Variants in PAK4 observed in about 807,000 individuals in gnomAD.
PAK4 encodes the protein p21 (RAC1) activated kinase 4, also known as serine/threonine-protein kinase PAK 4.
In PAK4, 49 loss-of-function variants were observed where a neutral mutation model predicts 53.5. The ratio of observed to expected loss-of-function variants is 0.92; its 90% confidence interval spans 0.73 to 1.16. The LOEUF (loss-of-function observed/expected upper bound fraction) is 1.16, where lower values mean the gene tolerates loss of function less well. Among genes scored for constraint, PAK4 ranks in the 50% most tolerant of loss-of-function variants. The pLI is 0.00. For synonymous variants in PAK4, 376 were observed against 375.6 expected, an observed-to-expected ratio of 1.00 and a Z score of -0.01; for missense variants, 824 against 850.7, an observed-to-expected ratio of 0.97 and a Z score of 0.39.
chr19:39,130,193 A>ATG (rs2073677869), intron 1 of PAK4, among the ~76,000 whole-genome samples: 1 of 93,518 alleles, frequency 1.1e-5, no homozygotes, highest in Non-Finnish European at 2.1e-5. Flanking sequence ...TCATGGCGGG[A>ATG]TGGGAGCGGG....
chr19:39,150,506 A>G (rs513053), intron 1 of PAK4, among the ~76,000 whole-genome samples: 93,389 of 151,818 alleles, frequency 0.62, 28,970 homozygotes, highest in East Asian at 0.82. Context: ...ACAGTTGCCC[A>G]AACAGCGCTG....
intron 1 of PAK4, among the ~76,000 whole-genome samples, chr19:39,139,304 C>T (rs2073872311): frequency 6.6e-6 from 1 of 152,204 alleles, no homozygotes; most frequent in African/African-American, 2.4e-5. Flanking sequence ...TCATCTGCTG[C>T]AACTCCTGCA....
chr19:39,126,097 A>G (rs2073571372), intron 1 of PAK4, among the ~76,000 whole-genome samples, 178 bp downstream of exon 1: 2 of 151,890 alleles, frequency 1.3e-5, no homozygotes, highest in African/African-American at 2.4e-5. Context: ...GAGGTCGGAG[A>G]TCAAACCAGC....
At chr19:39,142,791 G>A (rs1160267208) in intron 1 of PAK4, among the ~76,000 whole-genome samples, 1 of 152,200 alleles carries the variant, frequency 6.6e-6, no homozygotes, top group Non-Finnish European at 1.5e-5. Context: ...ACCCTGGGTG[G>A]CTTTCCCAGC....
chr19:39,171,024 A>G (rs2074468685), intron 2 of PAK4, among the ~76,000 whole-genome samples: 1 of 151,858 alleles, frequency 6.6e-6, no homozygotes, highest in African/African-American at 2.4e-5. Flanking sequence ...TGTCTCCAAA[A>G]ACCCAGCCCC....
chr19:39,176,267 C>T (rs1842574402), intron 6 of PAK4, among the ~76,000 whole-genome samples: 1 of 152,248 alleles, frequency 6.6e-6, no homozygotes, highest in Non-Finnish European at 1.5e-5. Context: ...AGGGCACAGG[C>T]TTTTGGGGCC....
intron 1 of PAK4, among the ~76,000 whole-genome samples, chr19:39,157,489 G>A (rs1005496196): frequency 6.6e-6 from 1 of 152,110 alleles, no homozygotes. Context: ...GCTGAGCCGC[G>A]GCCTTCCCAT....
At position 39,175,106 on chromosome 19, in the gene PAK4, T is replaced by TC. The variant is rs757049854; in HGVS notation, c.1232+46dup. The stretch of plus-strand genomic sequence containing the variant: ...AGACCCCTCCTGTGACACGACCAAG[T>TC]CCCCTCCAGACCACTAGGGGTGGGG... On this transcript the variant is annotated intron_variant, in intron 5 of 8. Coordinates refer to ENST00000358301, the Ensembl canonical transcript of PAK4. The surrounding 1 kb of genome is among the most constrained non-coding windows in gnomAD (Gnocchi z 4.7). The TC allele has an allele frequency of 6.3e-7, 1 of 1,576,944 alleles. No individual in the cohort carries two copies. The highest frequency in any genetic ancestry group is 8.6e-7 in the Non-Finnish European group (1 of 1,160,786).
intron 2 of PAK4, among the ~76,000 whole-genome samples, chr19:39,172,127 C>G (rs1600398305): frequency 6.7e-6 from 1 of 150,364 alleles, no homozygotes. Flanking sequence ...GAGTTTTGAG[C>G]AAAGACCTGA....
chr19:39,146,926 GAGAAAAGAAA>G (rs953653612), intron 1 of PAK4, among the ~76,000 whole-genome samples: 1 of 151,484 alleles, frequency 6.6e-6, no homozygotes, highest in Non-Finnish European at 1.5e-5. Context: ...AGGAGAGAGG[GAGAAAAGAAA>G]AGAAAAGAAA....
chr19:39,143,148 A>G (rs2073937226), intron 1 of PAK4, among the ~76,000 whole-genome samples: 1 of 152,048 alleles, frequency 6.6e-6, no homozygotes, highest in Non-Finnish European at 1.5e-5. Context: ...GTTTACTTGT[A>G]TATTGTGTTC....
In PAK4 at chr19:39,178,087, A is replaced by G. The variant is rs1242308255; in HGVS notation, c.1620+278A>G. Among the ~76,000 whole-genome samples the G allele has an allele frequency of 6.6e-6, 1 of 152,104 alleles. No homozygotes were observed. Among genetic ancestry groups the G allele is most frequent in the East Asian group, 1.9e-4 (1 of 5,186 alleles). ...ATTTGCACGTTTAGAAGTGGAGGAC[A>G]GGGCCGGGACCTTCCTAGTGGAGGA... On this transcript the variant is annotated intron_variant, in intron 8 of 8. Transcript: ENST00000358301. The surrounding 1 kb of genome is among the most constrained non-coding windows in gnomAD (Gnocchi z 4.4).
intron 6 of PAK4, 173 bp from the exon 8 acceptor site, chr19:39,176,417 T>G (rs1600413028): frequency 3.8e-6 from 3 of 779,556 alleles, no homozygotes; most frequent in South Asian, 1.7e-5. Context: ...CACCAGGAGG[T>G]GGTGGAGCTC....
In PAK4 at chr19:39,178,551, C is replaced by T; in HGVS notation, c.1748C>T (p.Pro583Leu). 1 of 1,608,834 alleles carries T rather than the reference C, an allele frequency of 6.2e-7. No individual in the cohort carries two copies. Residue 583 changes from proline (P) to leucine (L), a missense_variant, in exon 9 of 9, where the codon CCC (proline) becomes CTC (leucine). This residue lies in a region of PAK4 where 346 missense variants were observed against 415.0 expected (regional missense o/e 0.83). Transcript: ENST00000358301. This position sits in a 1 kb window ranked among gnomAD's most constrained non-coding sequence, Gnocchi z 4.4. ...GCAGGGCCGCCTGCCAGCATCGTGC[C>T]CCTCATGCGCCAGAACCGCACCAGA... is the stretch of plus-strand genomic sequence containing the variant.
chr19:39,169,964 C>A (rs2074447592), intron 2 of PAK4, among the ~76,000 whole-genome samples: 1 of 107,808 alleles, frequency 9.3e-6, no homozygotes, highest in Admixed American at 9.1e-5. Flanking sequence ...CCATGCCACC[C>A]CAACCTGAGC....
intron 1 of PAK4, among the ~76,000 whole-genome samples, chr19:39,158,939 A>G (rs2074239284): frequency 6.6e-6 from 1 of 152,298 alleles, no homozygotes; most frequent in South Asian, 2.1e-4. Context: ...TCATTCATTC[A>G]TCATTCAGCA....
chr19:39,127,321 C>T (rs1021531794), intron 1 of PAK4, among the ~76,000 whole-genome samples: 2 of 152,046 alleles, frequency 1.3e-5, no homozygotes, highest in Admixed American at 6.5e-5. Context: ...CCATGCCTCC[C>T]GCCCGGTCTT....
In PAK4 at chr19:39,145,497, G is replaced by C. The variant is rs576609601; in HGVS notation, c.-23+19578G>C. On this transcript the variant is annotated intron_variant, in intron 1 of 8. Coordinates refer to ENST00000358301, the Ensembl canonical transcript of PAK4. Reference sequence around the variant, plus strand: ...GCAGCTCTGTCCTGGGGGGGCCCCAGGAGGACGCTCTGGGCTCCTCTCACC... The same window carrying C: ...GCAGCTCTGTCCTGGGGGGGCCCCACGAGGACGCTCTGGGCTCCTCTCACC... Among the ~76,000 whole-genome samples the C allele has an allele frequency of 5.9e-5, 9 of 151,924 alleles. No homozygotes were observed. In the South Asian group the frequency reaches 1.5e-3, roughly 25 times the overall value.
Position 39,173,022 on chromosome 19 carries a change from C to G in PAK4, c.309C>G (p.Asp103Glu), listed in dbSNP as rs144141109. 4.6e-4 allele frequency: 714 copies of G among 1,549,396 alleles called. 2 individuals carry two copies. The African/African-American group carries it at 8.7e-3, about 19-fold the overall frequency. The change falls in exon 3 of 9, where the codon GAC becomes GAG. Residue 103 changes from aspartate to glutamate, a missense_variant. By Grantham distance (45) the Asp-to-Glu change is conservative (BLOSUM62 2). This residue lies in a region of PAK4 where 478 missense variants were observed against 435.8 expected (regional missense o/e 1.10). Transcript: ENST00000358301. The surrounding 1 kb of genome is among the most constrained non-coding windows in gnomAD (Gnocchi z 6.9). ...CACGCTCCAACTCCCTGCGGAGAGACAGCCCGCCGCCGCCCGCCCGTGCCC... is the reference window on the plus strand; with the variant it reads ...CACGCTCCAACTCCCTGCGGAGAGAGAGCCCGCCGCCGCCCGCCCGTGCCC...
Sources: allele counts gnomAD v4.1 joint callset (sites outside exome capture counted in the v4.1 genomes callset), GRCh38; gene constraint gnomAD v4.1.1; regional missense constraint gnomAD v4.1.1; non-coding constraint Gnocchi (gnomAD v3.1); transcripts MANE v1.5; gene names NCBI Gene and HGNC (gene_info 2026-07-23, HGNC 2026-07-21).